FHAD1: variants seen among roughly 807,000 people sequenced by gnomAD.
FHAD1 encodes forkhead associated phosphopeptide binding domain 1.
A neutral mutation model predicts 191.3 loss-of-function variants in FHAD1; 146 were observed. The ratio of observed to expected loss-of-function variants is 0.76; its 90% CI spans 0.67 to 0.88. FHAD1 has a LOEUF of 0.88. Ranked by LOEUF, FHAD1 falls within the 40% of genes least tolerant of loss-of-function variation. FHAD1 has a pLI of 0.00. For missense variants in FHAD1, 1,635 were observed against 1,785.8 expected (o/e 0.92, Z 1.52); for synonymous variants, 616 against 672.3 (o/e 0.92, Z 1.29).
At chr1:15,242,007 G>A (rs1396264985) in intron 1 of FHAD1, among the ~76,000 whole-genome samples, 2 of 152,172 alleles carry the variant, frequency 1.3e-5, no homozygotes, top group African/African-American at 4.8e-5. Flanking sequence ...AGCTGAGGCG[G>A]GTGGATCACG....
At chr1:15,310,811 C>A (rs1672044073) in intron 7 of FHAD1, among the ~76,000 whole-genome samples, 1 of 152,112 alleles carries the variant, frequency 6.6e-6, no homozygotes, top group Admixed American at 6.5e-5. Context: ...CACCCTGAGC[C>A]CATCATGGGT....
In FHAD1 at chr1:15,324,565, C is replaced by T; in HGVS notation, c.1473+6C>T. The T allele has an allele frequency of 6.5e-7, 1 of 1,540,102 alleles. No individual in the cohort carries two copies. The highest frequency in any genetic ancestry group is 2.0e-5 in the Admixed American group (1 of 50,882). On this transcript the variant is annotated splice_donor_region_variant and intron_variant, in intron 11 of 33. Coordinates refer to ENST00000688493, the MANE Select transcript of FHAD1 (RefSeq NM_001391957.1). ...TGGAGAGGGCAGTAGGTCAGGTAGG[C>T]ATGTTCCAGAGCCCCCCTCATTGGC...
chr1:15,366,718 G>A (rs1696598902), intron 24 of FHAD1, among the ~76,000 whole-genome samples: 1 of 152,172 alleles, frequency 6.6e-6, no homozygotes, highest in African/African-American at 2.4e-5. Flanking sequence ...GACATGAGTG[G>A]CCCCTAGAGT....
At chr1:15,265,616 A>G (rs1653054421) in intron 2 of FHAD1, among the ~76,000 whole-genome samples, 1 of 152,146 alleles carries the variant, frequency 6.6e-6, no homozygotes, top group Non-Finnish European at 1.5e-5. Flanking sequence ...GCTGAAAGTA[A>G]TGGGATTTGA....
chr1:15,362,700 C>G lies in FHAD1; in HGVS notation c.3021C>G (p.Ala1007=), dbSNP rs1252936421. Residue 1007 remains alanine (A), a synonymous_variant, in exon 23 of 34, where the codon GCC becomes GCG. Transcript: ENST00000688493. ...PLVAPMTESS[A]KDMAYEHLID... ...TGGCTCCCATGACAGAGAGCAGTGCCAAAGACATGGCGTACGAACATCTGA... is the reference window on the plus strand; with the variant it reads ...TGGCTCCCATGACAGAGAGCAGTGCGAAAGACATGGCGTACGAACATCTGA... 1.9e-6 allele frequency: 3 copies of G among 1,551,752 alleles called. No homozygotes were observed. The East Asian group carries it at 7.3e-5, about 38-fold the overall frequency.
rs945846785 is a variant in FHAD1 at position 15,327,235 on chromosome 1, G to C, written c.1557+93G>C. On this transcript the variant is annotated intron_variant, in intron 12 of 33. Coordinates refer to ENST00000688493, the MANE Select transcript of FHAD1 (RefSeq NM_001391957.1). The surrounding 1 kb of genome is among the most constrained non-coding windows in gnomAD (Gnocchi z 5.1). ...CCAGACCCTGGGAGCATATGTTTCT[G>C]TTTTTGTTGGTGGCATATTTTTCAC... 5 of 787,992 alleles carry C rather than the reference G, an allele frequency of 6.3e-6. No individual in the cohort carries two copies. In the Admixed American group the frequency reaches 8.4e-5, roughly 13 times the overall value. The allele number at this position is 787,992 out of a possible 1,614,324, so 48.8% of individuals were successfully genotyped here.
intron 3 of FHAD1, among the ~76,000 whole-genome samples, chr1:15,279,948 A>G (rs1573926041): frequency 6.6e-6 from 1 of 152,190 alleles, no homozygotes; most frequent in African/African-American, 2.4e-5. Context: ...AGCCTCCGTA[A>G]TGAGATTCCG....
chr1:15,267,763 A>G (rs1654134918), intron 2 of FHAD1, among the ~76,000 whole-genome samples: 1 of 145,698 alleles, frequency 6.9e-6, no homozygotes, highest in South Asian at 2.1e-4. Context: ...TCCTTTATAT[A>G]TCATTATAAA....
rs1280796349 is a variant in FHAD1 at position 15,329,162 on chromosome 1, T to C, written c.1711-184T>C. ...ACCATCAAAAGTCCAAATTAGAGTA[T>C]TAAAAAAAAACCTGTCAAAACATAA... On this transcript the variant is annotated intron_variant, in intron 13 of 33. Transcript: ENST00000688493. This position sits in a 1 kb window ranked among gnomAD's most constrained non-coding sequence, Gnocchi z 5.0. 8.0e-6 allele frequency: 4 copies of C among 498,868 alleles called. No individual in the cohort carries two copies. Among genetic ancestry groups the C allele is most frequent in the African/African-American group, 7.6e-5 (4 of 52,544 alleles). The allele number at this position is 498,868 out of a possible 1,614,324, so 30.9% of individuals were successfully genotyped here. A position where few individuals can be genotyped will look rare whatever the true frequency, so the allele number is the denominator to read the frequency against.
In FHAD1 at chr1:15,328,838, G is replaced by C. The variant is rs11576901; in HGVS notation, c.1710+409G>C. 628 of 164,148 alleles carry C rather than the reference G, an allele frequency of 3.8e-3. 5 individuals are homozygous for C. The highest frequency in any genetic ancestry group is 0.014 in the African/African-American group (573 of 41,968). 10.2% of individuals were successfully genotyped at this position (164,148 alleles called of 1,614,324 possible). A position where few individuals can be genotyped will look rare whatever the true frequency, so the allele number is the denominator to read the frequency against. On this transcript the variant is annotated intron_variant, in intron 13 of 33. Transcript: ENST00000688493. ...TTTTGACTCTGGAGGAGCAGGGACGGGAGGACTTGGCCACAGCCCTGCGGC... is the reference window on the plus strand; with the variant it reads ...TTTTGACTCTGGAGGAGCAGGGACGCGAGGACTTGGCCACAGCCCTGCGGC...
At chr1:15,361,895 T>C (rs1222973940) in intron 22 of FHAD1, among the ~76,000 whole-genome samples, 1 of 151,648 alleles carries the variant, frequency 6.6e-6, no homozygotes, top group Non-Finnish European at 1.5e-5. Flanking sequence ...GTCCAGCTAC[T>C]CGGGAGGCTG....
chr1:15,301,487 C>A (rs186350869), intron 6 of FHAD1, 46 bp downstream of exon 6: 1 of 1,524,068 alleles, frequency 6.6e-7, no homozygotes, highest in Non-Finnish European at 8.9e-7. Context: ...GGCCAAGGCC[C>A]GGGAGGCCCC....
intron 1 of FHAD1, among the ~76,000 whole-genome samples, chr1:15,249,898 C>T (rs781343865): frequency 3.9e-5 from 6 of 152,246 alleles, no homozygotes; most frequent in South Asian, 2.1e-4. Flanking sequence ...TCTCCCTGCC[C>T]GAATGCTAGG....
intron 32 of FHAD1, 58 bp from the exon 33 acceptor site, chr1:15,391,152 T>C (rs1428414791): frequency 8.9e-6 from 9 of 1,014,930 alleles, no homozygotes; most frequent in Non-Finnish European, 1.2e-5. Context: ...TTTTCTTTGA[T>C]GCAAAAGGCA....
At chr1:15,394,841 A>T (rs896473172) in intron 33 of FHAD1, among the ~76,000 whole-genome samples, 3 of 152,234 alleles carry the variant, frequency 2.0e-5, no homozygotes, top group Non-Finnish European at 4.4e-5. Context: ...AAAGCTTTGC[A>T]GGAACAGAGT....
In FHAD1 at chr1:15,326,898, C is replaced by T. The variant is rs147226351; in HGVS notation, c.1474-161C>T. 1.6e-3 allele frequency: 923 copies of T among 588,122 alleles called. 7 individuals carry two copies. Among genetic ancestry groups the T allele is most frequent in the African/African-American group, 0.014 (740 of 53,298 alleles). The allele number at this position is 588,122 out of a possible 1,614,324, so 36.4% of individuals were successfully genotyped here. On this transcript the variant is annotated intron_variant, in intron 11 of 33. Coordinates refer to ENST00000688493, the MANE Select transcript of FHAD1 (RefSeq NM_001391957.1). Reference sequence around the variant, plus strand: ...CTGTTCTCTTTTCTTCTGTGGGTCCCGCCACTCCCCGTGAGCGGTGAAGAT... The same window carrying T: ...CTGTTCTCTTTTCTTCTGTGGGTCCTGCCACTCCCCGTGAGCGGTGAAGAT...
At chr1:15,374,116 TAAAAG>T (rs1698887146) in intron 26 of FHAD1, among the ~76,000 whole-genome samples, 2 of 152,138 alleles carry the variant, frequency 1.3e-5, no homozygotes, top group African/African-American at 4.8e-5. Context: ...TATCACCAGT[TAAAAG>T]AAAGCATCAT....
intron 31 of FHAD1, among the ~76,000 whole-genome samples, chr1:15,384,846 C>T (rs1331274667): frequency 6.6e-6 from 1 of 152,242 alleles, no homozygotes; most frequent in Non-Finnish European, 1.5e-5. Context: ...TCACATCAGC[C>T]TGCGAGGAGG....
At chr1:15,344,632 G>T (rs1289015393) in intron 16 of FHAD1, among the ~76,000 whole-genome samples, 1 of 152,208 alleles carries the variant, frequency 6.6e-6, no homozygotes, top group African/African-American at 2.4e-5. Context: ...TAGAACACAG[G>T]CTTCAGAATC....
Sources: allele counts gnomAD v4.1 joint callset (sites outside exome capture counted in the v4.1 genomes callset), GRCh38; gene constraint gnomAD v4.1.1; non-coding constraint Gnocchi (gnomAD v3.1); transcripts MANE v1.5; gene names NCBI Gene and HGNC (gene_info 2026-07-23, HGNC 2026-07-21).